GRIN2B: variants seen among roughly 807,000 people sequenced by gnomAD.
The protein encoded by GRIN2B is glutamate ionotropic receptor NMDA type subunit 2B.
GRIN2B carries 5 observed loss-of-function variants against 114.5 expected under a neutral mutation model. That is an observed-to-expected ratio of 0.04 (90% CI 0.02 to 0.09). GRIN2B has a LOEUF of 0.09. Ranked by LOEUF, GRIN2B falls within the 10% of genes least tolerant of loss-of-function variation. GRIN2B has a pLI of 1.00. For synonymous variants in GRIN2B, 787 were observed against 745.1 expected (o/e 1.06, Z -0.92); for missense variants, 1,108 against 1,943.5 (o/e 0.57, Z 8.08).
chr12:13,698,731 G>A (rs1950283921), intron 4 of GRIN2B, among the ~76,000 whole-genome samples: 1 of 152,130 alleles, frequency 6.6e-6, no homozygotes, highest in Admixed American at 6.5e-5. Flanking sequence ...CACCCATGCT[G>A]CAGTGCAGTG....
chr12:13,968,445 C>T (rs2136868968), intron 2 of GRIN2B, among the ~76,000 whole-genome samples: 1 of 152,284 alleles, frequency 6.6e-6, no homozygotes, highest in East Asian at 1.9e-4. Context: ...GAAGTGAGTT[C>T]AGCAAGGTTG....
At chr12:13,931,692 T>C (rs753990984) in intron 2 of GRIN2B, among the ~76,000 whole-genome samples, 6 of 152,236 alleles carry the variant, frequency 3.9e-5, no homozygotes, top group Non-Finnish European at 7.3e-5. Context: ...ACTTCCTGTT[T>C]TCTTGCACCA....
Position 13,543,755 on chromosome 12 carries a change from C to T in GRIN2B, c.*19028G>A, listed in dbSNP as rs2136380620. ...CTCCAATACTCTTCCCCTATACTCA[C>T]TCTTAACTGATGAACTCCTTTCATA... On this transcript the variant is annotated 3_prime_UTR_variant, in exon 14 of 14. Coordinates refer to ENST00000609686, the MANE Select transcript of GRIN2B (RefSeq NM_000834.5). The T allele has an allele frequency of 6.6e-6, 1 of 152,270 alleles. No homozygotes were observed. The highest frequency in any genetic ancestry group is 1.9e-4 in the East Asian group (1 of 5,176). The allele number at this position is 152,270 out of a possible 1,614,324, so 9.4% of individuals were successfully genotyped here.
intron 3 of GRIN2B, among the ~76,000 whole-genome samples, chr12:13,774,533 T>C (rs1863966920): frequency 6.6e-6 from 1 of 152,216 alleles, no homozygotes; most frequent in Non-Finnish European, 1.5e-5. Flanking sequence ...GACAGGGTTA[T>C]AGCAGAAGGG....
chr12:13,690,285 CCACACACA>C (rs72073823), intron 4 of GRIN2B, among the ~76,000 whole-genome samples: 246 of 144,560 alleles, frequency 1.7e-3, no homozygotes, highest in Middle Eastern at 3.5e-3. Context: ...CTATGTCACA[CCACACACA>C]CACACACACA....
chr12:13,794,286 G>A (rs185702229), intron 3 of GRIN2B, among the ~76,000 whole-genome samples: 1 of 150,498 alleles, frequency 6.6e-6, no homozygotes, highest in East Asian at 1.9e-4. Flanking sequence ...AAAAGTTAAA[G>A]CAAAGGAAAG....
chr12:13,785,947 G>A (rs556263561), intron 3 of GRIN2B, among the ~76,000 whole-genome samples: 19 of 152,204 alleles, frequency 1.2e-4, no homozygotes, highest in African/African-American at 4.3e-4. Context: ...CCATATTTAT[G>A]GAAATAAACT....
At chr12:13,684,846 G>A (rs1375203999) in intron 4 of GRIN2B, among the ~76,000 whole-genome samples, 2 of 152,122 alleles carry the variant, frequency 1.3e-5, no homozygotes, top group South Asian at 2.1e-4. Context: ...CACTGACTAC[G>A]TTATCTCTTT....
intron 2 of GRIN2B, among the ~76,000 whole-genome samples, chr12:13,901,883 T>C (rs551593771): frequency 8.5e-4 from 129 of 152,268 alleles, no homozygotes; most frequent in African/African-American, 3.0e-3. Flanking sequence ...AATAAATTTT[T>C]GTATATGCTG....
chr12:13,662,741 A>C (rs992697782), intron 5 of GRIN2B, among the ~76,000 whole-genome samples: 3 of 152,172 alleles, frequency 2.0e-5, no homozygotes, highest in African/African-American at 7.2e-5. Context: ...GTCTTGAGCA[A>C]CTACATGAAG....
At chr12:13,851,441 C>T (rs2268136) in intron 3 of GRIN2B, among the ~76,000 whole-genome samples, 39,387 of 152,022 alleles carry the variant, frequency 0.26, 5,253 homozygotes, top group South Asian at 0.35. Context: ...TAGAGCCTGA[C>T]CTGTCACAGA....
rs1404496816 is a variant in GRIN2B at position 13,933,902 on chromosome 12, T to C, written c.-19+46026A>G. 2.0e-5 allele frequency among the ~76,000 whole-genome samples: 3 copies of C among 152,128 alleles called. No individual in the cohort carries two copies. In the East Asian group the frequency reaches 5.8e-4, roughly 29 times the overall value. On this transcript the variant is annotated intron_variant, in intron 2 of 13. Transcript: ENST00000609686. ...GGGCTAGAAGCGGTAAGAGTGAATA[T>C]TTTCCTCCTCCTCAAGCCTTCCTCT... is the stretch of plus-strand genomic sequence containing the variant.
chr12:13,883,069 T>C (rs181970612), intron 2 of GRIN2B, among the ~76,000 whole-genome samples: 1 of 152,338 alleles, frequency 6.6e-6, no homozygotes, highest in African/African-American at 2.4e-5. Context: ...TTCCTCAATA[T>C]TGTTGTGTGT....
chr12:13,832,956 T>TA (rs926265438), intron 3 of GRIN2B, among the ~76,000 whole-genome samples: 27 of 152,078 alleles, frequency 1.8e-4, no homozygotes, highest in Non-Finnish European at 3.1e-4. Context: ...ATATTTTAAT[T>TA]AAAAAAAATC....
chr12:13,748,909 G>A (rs1319080687), intron 4 of GRIN2B, among the ~76,000 whole-genome samples: 1 of 152,136 alleles, frequency 6.6e-6, no homozygotes, highest in Non-Finnish European at 1.5e-5. Flanking sequence ...GTATTGACTT[G>A]TGCTAACGAA....
chr12:13,608,553 C>G (rs1193396686), intron 10 of GRIN2B, 50 bp downstream of exon 10: 2 of 1,369,388 alleles, frequency 1.5e-6, no homozygotes, highest in East Asian at 4.6e-5. Context: ...TTGAGTATGG[C>G]TGAGAACAGG....
chr12:13,671,506 C>A (rs1403826226), intron 5 of GRIN2B, among the ~76,000 whole-genome samples: 1 of 152,102 alleles, frequency 6.6e-6, no homozygotes, highest in Non-Finnish European at 1.5e-5. Flanking sequence ...TGGTTCACAC[C>A]AACAACTTAA....
intron 2 of GRIN2B, among the ~76,000 whole-genome samples, chr12:13,871,730 AAAG>A (rs961600870): frequency 9.3e-5 from 14 of 151,210 alleles, no homozygotes; most frequent in South Asian, 4.4e-4. Context: ...TCAAAAAAAA[AAAG>A]GAGAGAAAAT....
chr12:13,954,582 G>C, intron 2 of GRIN2B, among the ~76,000 whole-genome samples: 1 of 151,848 alleles, frequency 6.6e-6, no homozygotes, highest in Non-Finnish European at 1.5e-5. Context: ...GGCCGAGGCG[G>C]GTGGATCACT....
Sources: allele counts gnomAD v4.1 joint callset (sites outside exome capture counted in the v4.1 genomes callset), GRCh38; gene constraint gnomAD v4.1.1; transcripts MANE v1.5; gene names NCBI Gene and HGNC (gene_info 2026-07-23, HGNC 2026-07-21).